KL: variants seen among roughly 807,000 people sequenced by gnomAD.
KL encodes the protein alpha-klotho.
KL carries 62 observed loss-of-function variants against 84.2 expected under a neutral mutation model. The ratio of observed to expected loss-of-function variants is 0.74; its 90% confidence interval spans 0.60 to 0.91. The LOEUF (loss-of-function observed/expected upper bound fraction) is 0.91. KL is among the 40% of genes least tolerant of loss of function. KL has a pLI of 0.00. For missense variants in KL, 1,261 were observed against 1,305.7 expected (o/e 0.97, Z 0.53); for synonymous variants, 528 against 528.0 (o/e 1.00, Z 0.00).
chr13:33,022,573 A>G (rs534375378), intron 1 of KL, among the ~76,000 whole-genome samples: 18 of 152,334 alleles, frequency 1.2e-4, no homozygotes, highest in African/African-American at 3.8e-4. Context: ...TATATGCTCT[A>G]TTTTGATGTA....
intron 1 of KL, among the ~76,000 whole-genome samples, chr13:33,019,054 A>G (rs1487823182): frequency 6.6e-6 from 1 of 152,162 alleles, no homozygotes; most frequent in Non-Finnish European, 1.5e-5. Flanking sequence ...CATCCTTCCT[A>G]GAAATGCAGT....
Position 33,061,723 on chromosome 13 carries a change from G to T in KL, c.2644G>T (p.Glu882Ter). Residue 882 changes from glutamate (E) to a stop codon, truncating the protein, a stop_gained, in exon 4 of 5, where the codon GAG (glutamate) becomes TAG (stop). Coordinates refer to ENST00000380099, the MANE Select transcript of KL (RefSeq NM_004795.4). LOFTEE classifies it high-confidence loss of function. ...SNGIDDGLHA[E>*]DDQLRVYYMQ... is the part of the protein sequence containing the mutation. ...TGGAATCGATGACGGGCTGCATGCT[G>T]AGGACGACCAGCTGAGGGTGTATTA... The T allele has an allele frequency of 6.2e-7, 1 of 1,614,028 alleles. No individual in the cohort carries two copies.
intron 1 of KL, among the ~76,000 whole-genome samples, chr13:33,046,748 GT>G (rs1005592745): frequency 6.2e-4 from 64 of 102,430 alleles, no homozygotes; most frequent in African/African-American, 1.6e-3. Flanking sequence ...GATATATCTT[GT>G]TTTTTTTTTT....
At chr13:33,026,157 G>A (rs767273890) in intron 1 of KL, among the ~76,000 whole-genome samples, 2 of 151,538 alleles carry the variant, frequency 1.3e-5, no homozygotes, top group African/African-American at 2.4e-5. Context: ...GGGTGGGACT[G>A]GGCTCTCTCT....
At chr13:33,028,359 A>G (rs942876535) in intron 1 of KL, among the ~76,000 whole-genome samples, 2 of 152,236 alleles carry the variant, frequency 1.3e-5, no homozygotes, top group Non-Finnish European at 2.9e-5. Context: ...ATACTTATCT[A>G]AACTGTCAAT....
chr13:33,043,368 T>C (rs1871407046), intron 1 of KL, among the ~76,000 whole-genome samples: 1 of 151,986 alleles, frequency 6.6e-6, no homozygotes, highest in South Asian at 2.1e-4. Context: ...TACAGAGGCG[T>C]GCCACCACAC....
chr13:33,051,118 C>T (rs1871733605), intron 1 of KL, among the ~76,000 whole-genome samples: 1 of 152,174 alleles, frequency 6.6e-6, no homozygotes, highest in Non-Finnish European at 1.5e-5. Context: ...CATGGAGATC[C>T]TACTGTTGCA....
rs1872378006 is a variant in KL at position 33,065,489 on chromosome 13, G to A, written c.*1303G>A. The A allele has an allele frequency of 5.3e-6, 1 of 190,396 alleles. No individual in the cohort carries two copies. The allele number at this position is 190,396 out of a possible 1,614,324, so 11.8% of individuals were successfully genotyped here. A position where few individuals can be genotyped will look rare whatever the true frequency, so the allele number is the denominator to read the frequency against. On this transcript the variant is annotated 3_prime_UTR_variant, in exon 5 of 5. Coordinates refer to ENST00000380099, the MANE Select transcript of KL (RefSeq NM_004795.4). ...TATAGATAAGTCAATATTGTATCAGGCAAGATAAACCAATGTCATAACAGG... is the reference window on the plus strand; with the variant it reads ...TATAGATAAGTCAATATTGTATCAGACAAGATAAACCAATGTCATAACAGG...
Position 33,029,396 on chromosome 13 carries a change from G to A in KL, c.819+12137G>A, listed in dbSNP as rs182087117. ...TTGACCAGCATTTGATACTTAATAAGCAACGAGTAAGTTTTTGTTGAACCA... is the reference window on the plus strand; with the variant it reads ...TTGACCAGCATTTGATACTTAATAAACAACGAGTAAGTTTTTGTTGAACCA... On this transcript the variant is annotated intron_variant, in intron 1 of 4. Transcript: ENST00000380099. 2.2e-3 allele frequency among the ~76,000 whole-genome samples: 329 copies of A among 152,256 alleles called. 1 individual carries two copies. Among genetic ancestry groups the A allele is most frequent in the African/African-American group, 7.2e-3 (300 of 41,548 alleles).
intron 1 of KL, among the ~76,000 whole-genome samples, chr13:33,018,068 A>C (rs189595486): frequency 2.0e-4 from 30 of 152,302 alleles, no homozygotes; most frequent in Admixed American, 8.5e-4. Flanking sequence ...TGCCATGGTA[A>C]AGTTGTCTCA....
At position 33,027,057 on chromosome 13, in the gene KL, C is replaced by T. The variant is rs115255921; in HGVS notation, c.819+9798C>T. Among the ~76,000 whole-genome samples the T allele has an allele frequency of 6.4e-3, 980 of 152,276 alleles. 10 individuals are homozygous for T. Among genetic ancestry groups the T allele is most frequent in the African/African-American group, 0.023 (955 of 41,556 alleles). ...GTCCTTGCTGGATCGTGAAAACATA[C>T]TTCCGGAGAAAGTGTTCCCTAGATA... On this transcript the variant is annotated intron_variant, in intron 1 of 4. Coordinates refer to ENST00000380099, the MANE Select transcript of KL (RefSeq NM_004795.4).
intron 1 of KL, among the ~76,000 whole-genome samples, chr13:33,032,589 C>T (rs480833): frequency 0.31 from 47,307 of 151,098 alleles, 8,607 homozygotes; most frequent in Admixed American, 0.43. Flanking sequence ...TTCTTTTCTT[C>T]TTCTTCTTCT....
At chr13:33,047,608 G>A (rs1421816513) in intron 1 of KL, among the ~76,000 whole-genome samples, 10 of 152,290 alleles carry the variant, frequency 6.6e-5, no homozygotes, top group East Asian at 1.9e-4. Context: ...GATTACAGGC[G>A]TGAGCCACTG....
chr13:33,038,824 G>A (rs963541291), intron 1 of KL, among the ~76,000 whole-genome samples: 1 of 152,140 alleles, frequency 6.6e-6, no homozygotes, highest in African/African-American at 2.4e-5. Flanking sequence ...TAAACAAGCA[G>A]AGCAGACATC....
intron 3 of KL, among the ~76,000 whole-genome samples, chr13:33,060,350 C>G (rs1385933688): frequency 6.6e-6 from 1 of 152,004 alleles, no homozygotes; most frequent in Admixed American, 6.6e-5. Context: ...AAGAAAAACA[C>G]CCAAAAATAC....
rs1312837610 is a variant in KL at position 33,016,954 on chromosome 13, T to C, written c.514T>C (p.Tyr172His). 10 of 1,604,236 alleles carry C rather than the reference T, an allele frequency of 6.2e-6. No individual in the cohort carries two copies. The highest frequency in any genetic ancestry group is 8.5e-6 in the Non-Finnish European group (10 of 1,177,020). ...CGTCCCCAACCGCGAGGGGCTGCGC[T>C]ACTACCGGCGCCTGCTGGAGCGGCT... ...AGVPNREGLR[Y>H]YRRLLERLRE... The change falls in exon 1 of 5, where the codon TAC becomes CAC. Residue 172 changes from tyrosine to histidine, a missense_variant. By Grantham distance (83) the Tyr-to-His change is moderately conservative. Coordinates refer to ENST00000380099, the MANE Select transcript of KL (RefSeq NM_004795.4).
In KL at chr13:33,063,949, G is replaced by T. The variant is rs142248070; in HGVS notation, c.2802G>T (p.Gln934His). Residue 934 changes from glutamine to histidine, a missense_variant, in exon 5 of 5, where the codon CAG (glutamine) becomes CAT (histidine). Coordinates refer to ENST00000380099, the MANE Select transcript of KL (RefSeq NM_004795.4). ...GCCTCTATCGTTATGCTGCAGATCA[G>T]TTTGAGCCCAAGGCATCCATGAAAC... ...RFGLYRYAAD[Q>H]FEPKASMKHY... 1.4e-5 allele frequency: 22 copies of T among 1,614,064 alleles called. No homozygotes were observed. The highest frequency in any genetic ancestry group is 1.6e-5 in the Non-Finnish European group (19 of 1,180,044).
rs1872351084 is a variant in KL, at chr13:33,064,904, A to G, written c.*718A>G. 2 of 228,396 alleles carry G rather than the reference A, an allele frequency of 8.8e-6. No homozygotes were observed. The highest frequency in any genetic ancestry group is 1.1e-4 in the Admixed American group (2 of 17,584). 14.1% of individuals were successfully genotyped at this position (228,396 alleles called of 1,614,324 possible). On this transcript the variant is annotated 3_prime_UTR_variant, in exon 5 of 5. Transcript: ENST00000380099. ...TTGTTGAGGGCCTTGCACATAGGAA[A>G]CTTTTGATAAGTATCTGCGGAAAAA...
chr13:33,057,100 T>G (rs1303320639), intron 3 of KL, among the ~76,000 whole-genome samples: 1 of 152,118 alleles, frequency 6.6e-6, no homozygotes, highest in Non-Finnish European at 1.5e-5. Flanking sequence ...TCCTCTTTAC[T>G]GGGGTTGGGG....
Sources: allele counts gnomAD v4.1 joint callset (sites outside exome capture counted in the v4.1 genomes callset), GRCh38; gene constraint gnomAD v4.1.1; transcripts MANE v1.5; gene names NCBI Gene and HGNC (gene_info 2026-07-23, HGNC 2026-07-21).